CCNG1: variants seen among roughly 807,000 people sequenced by gnomAD.
The protein encoded by CCNG1 is cyclin-G1.
Under a neutral mutation model 30.0 loss-of-function variants are expected in CCNG1, and 13 were observed. The observed-to-expected ratio is 0.43, with a 90% CI of 0.28 to 0.69. The LOEUF (loss-of-function observed/expected upper bound fraction) is 0.69, where lower values mean the gene tolerates loss of function less well. Among genes scored for constraint, CCNG1 ranks in the 30% least tolerant of loss-of-function variants. The probability of loss-of-function intolerance (pLI) is 0.16; values close to 1 mark genes in which losing one functional copy is unlikely to be tolerated. For missense variants in CCNG1, 285 were observed against 331.4 expected (o/e 0.86, Z 1.09); for synonymous variants, 110 against 121.5 (o/e 0.91, Z 0.62).
chr5:163,450,893 C>G (rs987419692), downstream of CCNG1: 3 of 152,122 alleles, frequency 2.0e-5, no homozygotes, highest in Non-Finnish European at 4.4e-5. Context: ...GTGGAAATAC[C>G]CAAAATGTCC....
At chr5:163,440,327 C>G (rs1248779162) in intron 2 of CCNG1, among the ~76,000 whole-genome samples, 1 of 152,150 alleles carries the variant, frequency 6.6e-6, no homozygotes, top group Non-Finnish European at 1.5e-5. Flanking sequence ...TAATATACAG[C>G]TATTCCTCAG....
At chr5:163,449,965 A>C (rs1758137731), downstream of CCNG1, 1 of 152,196 alleles carries the variant, frequency 6.6e-6, no homozygotes, top group Non-Finnish European at 1.5e-5. Context: ...AGAAGAAAAA[A>C]ATCCATAGGC....
chr5:163,448,233 T>C (rs913122674), downstream of CCNG1: 2 of 150,114 alleles, frequency 1.3e-5, no homozygotes, highest in African/African-American at 2.4e-5. Context: ...ATAAATGCAA[T>C]TGTAAACAAA....
chr5:163,457,022 A>G, the CCNG1 span: 1 of 1,613,530 alleles, frequency 6.2e-7, no homozygotes, highest in Admixed American at 1.7e-5. Context: ...GAGAAGTCCA[A>G]CAATTTGCTG....
chr5:163,456,866 A>T, the CCNG1 span: 6 of 1,131,862 alleles, frequency 5.3e-6, no homozygotes, highest in Non-Finnish European at 7.1e-6. Context: ...TTTAATTTCA[A>T]ATATTTATTT....
At chr5:163,457,431 C>T in the CCNG1 span, 1 of 646,824 alleles carries the variant, frequency 1.5e-6, no homozygotes, top group African/African-American at 1.9e-5. Flanking sequence ...CTTTGACATA[C>T]AACGGTTTTC....
In CCNG1 at chr5:163,441,246, G is replaced by T. The variant is rs757456860; in HGVS notation, c.433G>T (p.Val145Leu). ...AATGGAAAAGATTGTATTGGAGAAG[G>T]TGTGTTGGAAAGTCAAAGCTACTAC... ...MRMEKIVLEKVCWKVKATTAF... is the reference protein window; with the variant it reads ...MRMEKIVLEKLCWKVKATTAF... Residue 145 changes from valine (V) to leucine (L), a missense_variant, in exon 3 of 7, where the codon GTG (valine) becomes TTG (leucine). Physicochemically the swap from Val to Leu is conservative, Grantham distance 32. Transcript: ENST00000340828. 1.2e-6 allele frequency: 2 copies of T among 1,613,982 alleles called. No homozygotes were observed. The highest frequency in any genetic ancestry group is 1.7e-6 in the Non-Finnish European group (2 of 1,179,866).
rs2069366 is a variant in CCNG1 at position 163,443,591 on chromosome 5, T to C, written c.*4-83T>C. The C allele has an allele frequency of 2.9e-4, 208 of 716,446 alleles. 3 individuals are homozygous for C. In the South Asian group the frequency reaches 3.2e-3, roughly 11 times the overall value. 44.4% of individuals were successfully genotyped at this position (716,446 alleles called of 1,614,324 possible). A position where few individuals can be genotyped will look rare whatever the true frequency, so the allele number is the denominator to read the frequency against. On this transcript the variant is annotated intron_variant, in intron 6 of 6. Transcript: ENST00000340828. ...TACATGTGATTATGAATATTAGATA[T>C]GAACATTTCAATTTTCTTAGTAGTA...
downstream of CCNG1, chr5:163,449,191 T>C (rs1758116022): frequency 6.6e-6 from 1 of 151,770 alleles, no homozygotes; most frequent in African/African-American, 2.4e-5. Context: ...GCAAGAAAAA[T>C]CATAGACTAA....
the CCNG1 span, chr5:163,456,962 C>T: frequency 6.2e-7 from 1 of 1,611,348 alleles, no homozygotes; most frequent in African/African-American, 1.3e-5. Flanking sequence ...TAAGCTTTCT[C>T]TGCATTTGGT....
At chr5:163,449,634 A>G (rs1361892920), downstream of CCNG1, 1 of 152,238 alleles carries the variant, frequency 6.6e-6, no homozygotes, top group Non-Finnish European at 1.5e-5. Context: ...ATTTCAAAAA[A>G]ATTTTGAAGG....
At position 163,443,674 on chromosome 5, in the gene CCNG1, G is replaced by T. The variant is rs1158774005; in HGVS notation, c.*4G>T. The T allele has an allele frequency of 6.6e-7, 1 of 1,506,546 alleles. No individual in the cohort carries two copies. Among genetic ancestry groups the T allele is most frequent in the South Asian group, 1.2e-5 (1 of 83,360 alleles). The allele number at this position is 1,506,546 out of a possible 1,614,324, so 93.3% of individuals were successfully genotyped here. A position where few individuals can be genotyped will look rare whatever the true frequency, so the allele number is the denominator to read the frequency against. Reference sequence around the variant, plus strand: ...TTGTTTGTTTTCTTTATTTAAATAGGATTATTACAGCACCAAAAAACTTCT... The same window carrying T: ...TTGTTTGTTTTCTTTATTTAAATAGTATTATTACAGCACCAAAAAACTTCT... On this transcript the variant is annotated splice_region_variant and 3_prime_UTR_variant, in exon 7 of 7. Transcript: ENST00000340828.
At chr5:163,448,401 CAAAG>C (rs1469858212), downstream of CCNG1, 2 of 151,916 alleles carry the variant, frequency 1.3e-5, no homozygotes, top group Non-Finnish European at 2.9e-5. Flanking sequence ...TAGAACGACA[CAAAG>C]AAAATACCAT....
chr5:163,439,024 C>CA (rs5872822), intron 1 of CCNG1, among the ~76,000 whole-genome samples: 42,895 of 96,926 alleles, frequency 0.44, 7,863 homozygotes, highest in East Asian at 0.61. Flanking sequence ...GACTCCTTCT[C>CA]AAAAAAAAAA....
chr5:163,440,645 T>G (rs1757765413), intron 2 of CCNG1, among the ~76,000 whole-genome samples: 1 of 152,176 alleles, frequency 6.6e-6, no homozygotes, highest in South Asian at 2.1e-4. Context: ...TAAAACTGTT[T>G]TATATGTGTT....
At chr5:163,456,778 G>A in the CCNG1 span, 2 of 613,718 alleles carry the variant, frequency 3.3e-6, no homozygotes, top group Middle Eastern at 4.7e-4. Flanking sequence ...ATCCATACAA[G>A]AAAGGCCATT....
chr5:163,443,554 AT>A (rs1237362638), intron 6 of CCNG1, 119 bp from the exon 7 acceptor site: 2 of 600,568 alleles, frequency 3.3e-6, no homozygotes, highest in African/African-American at 3.7e-5. Context: ...AAATGTTAAC[AT>A]TTAATACATC....
chr5:163,457,359 T>C, the CCNG1 span, among the ~76,000 whole-genome samples: 5 of 151,910 alleles, frequency 3.3e-5, no homozygotes, highest in African/African-American at 1.2e-4. Flanking sequence ...CTCAAGAAGT[T>C]CTTCATTAAA....
At position 163,441,182 on chromosome 5, in the gene CCNG1, A is replaced by G. The variant is rs954272831; in HGVS notation, c.369A>G (p.Arg123=). 5 of 1,613,948 alleles carry G rather than the reference A, an allele frequency of 3.1e-6. No homozygotes were observed. In the African/African-American group the frequency reaches 4.0e-5, roughly 13 times the overall value. The change falls in exon 3 of 7, where the codon CGA becomes CGG. Residue 123 remains arginine (R), a synonymous_variant. Coordinates refer to ENST00000340828, the MANE Select transcript of CCNG1 (RefSeq NM_004060.4). ...RNVPLATDLI[R]ISQYRFTVSD... is the part of the protein sequence containing the mutation. ...TCCCATTGGCAACTGACTTGATCCG[A>G]ATAAGTCAATATAGGTTTACGGTTT...
Sources: gnomAD v4.1 joint callset for allele counts (sites outside exome capture counted in the v4.1 genomes callset) on GRCh38, gnomAD v4.1.1 for gene constraint, MANE v1.5 for transcripts, NCBI Gene and HGNC (gene_info 2026-07-23, HGNC 2026-07-21) for gene names.